TEX26: variants seen among roughly 807,000 people sequenced by gnomAD.
TEX26 encodes testis expressed 26, also known as testis-expressed protein 26.
A neutral mutation model predicts 35.3 loss-of-function variants in TEX26; 34 were observed. The observed-to-expected ratio is 0.96, with a 90% CI of 0.73 to 1.28. The LOEUF (loss-of-function observed/expected upper bound fraction) is 1.28. Among genes scored for constraint, TEX26 ranks in the 50% most tolerant of loss-of-function variants. The pLI is 0.00. For missense variants in TEX26, 371 were observed against 330.1 expected, an observed-to-expected ratio of 1.12 and a Z score of -0.96; for synonymous variants, 136 against 111.8, an observed-to-expected ratio of 1.22 and a Z score of -1.36.
At chr13:30,960,149 G>C (rs1413923098) in intron 4 of TEX26, among the ~76,000 whole-genome samples, 1 of 152,200 alleles carries the variant, frequency 6.6e-6, no homozygotes, top group Non-Finnish European at 1.5e-5. Context: ...CTGGATAGTT[G>C]GATCGAGCCT....
Position 30,956,976 on chromosome 13 carries a change from T to TATCAA in TEX26, c.421_425dup (p.Phe143IlefsTer75), listed in dbSNP as rs1270800185. The TATCAA allele has an allele frequency of 6.2e-7, 1 of 1,614,094 alleles. No individual in the cohort carries two copies. Among genetic ancestry groups the TATCAA allele is most frequent in the Non-Finnish European group, 8.5e-7 (1 of 1,180,048 alleles). On this transcript the variant is annotated frameshift_variant, in exon 4 of 7. Coordinates refer to ENST00000380473, the MANE Select transcript of TEX26 (RefSeq NM_152325.3). LOFTEE classifies it high-confidence loss of function. ...TCAATGAAAGAAGTTAACAAGGCAC[T>TATCAA]ATCAAATCAGTTTATTTCCCTTACT...
intron 2 of TEX26, among the ~76,000 whole-genome samples, chr13:30,951,086 C>A (rs144384196): frequency 5.3e-5 from 8 of 152,074 alleles, no homozygotes; most frequent in Admixed American, 5.2e-4. Context: ...CTGTAGCATG[C>A]GCCTGTGGTC....
chr13:30,934,699 C>A (rs575561646), intron 1 of TEX26, among the ~76,000 whole-genome samples: 2 of 152,150 alleles, frequency 1.3e-5, no homozygotes, highest in African/African-American at 4.8e-5. Flanking sequence ...CCATGGAGCC[C>A]GTGGGAGCTG....
rs754508592 is a variant in TEX26 at position 30,966,347 on chromosome 13, A to G, written c.595A>G (p.Ser199Gly). Reference protein sequence around the residue: ...PAKIPELQDFSFKYGCYSSLP... With the variant: ...PAKIPELQDFGFKYGCYSSLP... ...TAAAATTCCTGAGCTTCAAGATTTC[A>G]GTTTCAAATATGGATGCTACTCAAG... The change falls in exon 5 of 7, where the codon AGT (serine) becomes GGT (glycine). Residue 199 changes from serine to glycine, a missense_variant. Physicochemically the swap from Ser to Gly is moderately conservative, Grantham distance 56. Transcript: ENST00000380473. 3 of 1,613,642 alleles carry G rather than the reference A, an allele frequency of 1.9e-6. No homozygotes were observed. The highest frequency in any genetic ancestry group is 4.5e-5 in the East Asian group (2 of 44,870).
chr13:30,937,296 T>C (rs1298980563), intron 1 of TEX26, among the ~76,000 whole-genome samples: 1 of 152,216 alleles, frequency 6.6e-6, no homozygotes, highest in African/African-American at 2.4e-5. Flanking sequence ...GGGCGTGTCG[T>C]GCTTGCCCAC....
intron 6 of TEX26, among the ~76,000 whole-genome samples, chr13:30,969,319 T>G (rs1159033328): frequency 1.3e-5 from 2 of 152,240 alleles, no homozygotes; most frequent in African/African-American, 4.8e-5. Flanking sequence ...GTGGCTGAAT[T>G]GCTCCAGGAT....
At chr13:30,938,536 A>G (rs1953358076) in intron 1 of TEX26, among the ~76,000 whole-genome samples, 1 of 152,118 alleles carries the variant, frequency 6.6e-6, no homozygotes, top group African/African-American at 2.4e-5. Context: ...TTATAAAGCC[A>G]CCAGTCCCAT....
chr13:30,952,926 A>G (rs1953985784), intron 3 of TEX26, 101 bp downstream of exon 3: 1 of 1,022,076 alleles, frequency 9.8e-7, no homozygotes, highest in Non-Finnish European at 1.4e-6. Context: ...CTCAGCTTCT[A>G]CAGTCACAGG....
At chr13:30,958,997 G>T (rs1431920354) in intron 4 of TEX26, among the ~76,000 whole-genome samples, 3 of 152,158 alleles carry the variant, frequency 2.0e-5, no homozygotes, top group African/African-American at 7.2e-5. Context: ...ACTCAGTGTG[G>T]TTAAGCAACA....
At chr13:30,943,172 A>C (rs1025067523) in intron 2 of TEX26, among the ~76,000 whole-genome samples, 1 of 152,024 alleles carries the variant, frequency 6.6e-6, no homozygotes, top group Non-Finnish European at 1.5e-5. Flanking sequence ...GATTTCTTTC[A>C]GTAGTGTTTT....
intron 2 of TEX26, among the ~76,000 whole-genome samples, chr13:30,948,605 A>C (rs1375567764): frequency 6.6e-6 from 1 of 151,790 alleles, no homozygotes; most frequent in Non-Finnish European, 1.5e-5. Flanking sequence ...TTTTCTTGTA[A>C]ATTTGTTTGA....
rs533988904 is a variant in TEX26, at chr13:30,948,203, T to C, written c.147-4457T>C. Among the ~76,000 whole-genome samples, 16 of 152,332 alleles carry C rather than the reference T, an allele frequency of 1.1e-4. No individual in the cohort carries two copies. In the South Asian group the frequency reaches 2.9e-3, roughly 28 times the overall value. ...TGAATAGTGCCGCAATAAACATACG[T>C]GTGCATGTGTCTTTATAGCAGCATG... On this transcript the variant is annotated intron_variant, in intron 2 of 6. Coordinates refer to ENST00000380473, the MANE Select transcript of TEX26 (RefSeq NM_152325.3).
At chr13:30,943,940 T>G (rs1338707715) in intron 2 of TEX26, among the ~76,000 whole-genome samples, 1 of 151,836 alleles carries the variant, frequency 6.6e-6, no homozygotes, top group African/African-American at 2.4e-5. Context: ...GTATTCCTGG[T>G]TTTGGGTATC....
At chr13:30,952,183 G>T (rs1953953087) in intron 2 of TEX26, among the ~76,000 whole-genome samples, 1 of 151,920 alleles carries the variant, frequency 6.6e-6, no homozygotes, top group East Asian at 1.9e-4. Flanking sequence ...TCACTCAGAA[G>T]TTCATAGTGT....
intron 4 of TEX26, among the ~76,000 whole-genome samples, chr13:30,962,390 C>T (rs576694821): frequency 6.6e-6 from 1 of 152,326 alleles, no homozygotes; most frequent in East Asian, 1.9e-4. Context: ...CTCCATGCCT[C>T]GTGGCCTTGT....
intron 1 of TEX26, chr13:30,936,999 A>G: frequency 1.0e-6 from 1 of 985,014 alleles, no homozygotes; most frequent in Non-Finnish European, 1.2e-6. Context: ...TACAGCCCTT[A>G]CAAAAAGAGT....
chr13:30,964,663 T>C (rs1419337903), intron 4 of TEX26, among the ~76,000 whole-genome samples: 1 of 152,216 alleles, frequency 6.6e-6, no homozygotes, highest in Non-Finnish European at 1.5e-5. Context: ...TAATCTATGA[T>C]GAAATAAATT....
Position 30,974,876 on chromosome 13 carries a change from C to T in TEX26, c.839C>T (p.Thr280Ile). 6.4e-7 allele frequency: 1 copy of T among 1,565,002 alleles called. No homozygotes were observed. The highest frequency in any genetic ancestry group is 8.6e-7 in the Non-Finnish European group (1 of 1,160,378). ...DRQIIDRFIR[T>I]HCDTNKKKK ...CAAATTATTGATCGCTTTATTCGTA[C>T]TCACTGTGACACTAACAAAAAGAAG... Residue 280 changes from threonine (T) to isoleucine (I), a missense_variant, in exon 7 of 7, where the codon ACT becomes ATT. Transcript: ENST00000380473.
chr13:30,954,930 G>C (rs1954070862), intron 3 of TEX26, among the ~76,000 whole-genome samples: 1 of 152,194 alleles, frequency 6.6e-6, no homozygotes, highest in Non-Finnish European at 1.5e-5. Context: ...TGACTGTCCT[G>C]CGTGTTCTCA....
Sources: gnomAD v4.1 joint callset for allele counts (sites outside exome capture counted in the v4.1 genomes callset) on GRCh38, gnomAD v4.1.1 for gene constraint, MANE v1.5 for transcripts, NCBI Gene and HGNC (gene_info 2026-07-23, HGNC 2026-07-21) for gene names.